The following MTCL3 variants were observed in gnomAD, a reference collection of about 807,000 sequenced individuals.
MTCL3 encodes microtubule cross-linking factor 3.
the MTCL3 span, among the ~76,000 whole-genome samples, chr6:127,485,967 G>T: frequency 0.14 from 20,979 of 152,116 alleles, 2,274 homozygotes; most frequent in East Asian, 0.64. Context: ...AAGATATAGA[G>T]GAATGAGTTT....
chr6:127,505,185 C>T, the MTCL3 span, among the ~76,000 whole-genome samples: 5 of 152,294 alleles, frequency 3.3e-5, no homozygotes, highest in South Asian at 6.2e-4. Context: ...ATTTCTACAG[C>T]GCTAACACAG....
chr6:127,497,228 A>T, the MTCL3 span, among the ~76,000 whole-genome samples: 2 of 152,174 alleles, frequency 1.3e-5, no homozygotes, highest in African/African-American at 4.8e-5. Context: ...AGGTAGCTAA[A>T]ACTTCTGCAC....
At chr6:127,507,916 G>A in the MTCL3 span, among the ~76,000 whole-genome samples, 1 of 146,310 alleles carries the variant, frequency 6.8e-6, no homozygotes, top group Admixed American at 6.7e-5. Context: ...TGGAAGAAAA[G>A]CTTTTCTATG....
chr6:127,483,813 G>A, the MTCL3 span, among the ~76,000 whole-genome samples: 3,671 of 152,184 alleles, frequency 0.024, 169 homozygotes, highest in African/African-American at 0.084. Context: ...ATAATTATCC[G>A]TATGTATGAC....
At chr6:127,481,050 C>T in the MTCL3 span, among the ~76,000 whole-genome samples, 1 of 152,178 alleles carries the variant, frequency 6.6e-6, no homozygotes, top group Non-Finnish European at 1.5e-5. Context: ...CCTGACCTCA[C>T]TGAGAAACTG....
At chr6:127,475,355 G>C in the MTCL3 span, 1 of 1,613,232 alleles carries the variant, frequency 6.2e-7, no homozygotes, top group Non-Finnish European at 8.5e-7. This position sits in a 1 kb window ranked among gnomAD's most constrained non-coding sequence, Gnocchi z 7.3. Context: ...ACCTCGAGGC[G>C]GTCGATGAAG....
the MTCL3 span, among the ~76,000 whole-genome samples, chr6:127,504,051 A>C: frequency 2.0e-5 from 3 of 152,206 alleles, no homozygotes; most frequent in Non-Finnish European, 2.9e-5. Context: ...AGGAGTTTAC[A>C]GTCAGGAAAC....
the MTCL3 span, among the ~76,000 whole-genome samples, chr6:127,509,158 G>A: frequency 6.6e-6 from 1 of 152,326 alleles, no homozygotes; most frequent in East Asian, 1.9e-4. Flanking sequence ...GGATGACAAT[G>A]CTATTAAGAT....
chr6:127,481,613 A>C, the MTCL3 span: 1 of 375,746 alleles, frequency 2.7e-6, no homozygotes, highest in East Asian at 1.7e-4. Flanking sequence ...ACTTTAGTTA[A>C]ATTATCTATC....
chr6:127,493,186 A>G, the MTCL3 span, among the ~76,000 whole-genome samples: 1 of 152,208 alleles, frequency 6.6e-6, no homozygotes, highest in South Asian at 2.1e-4. Context: ...ATAACTTTAA[A>G]TATTCCAAAA....
the MTCL3 span, among the ~76,000 whole-genome samples, chr6:127,490,271 G>A: frequency 2.6e-5 from 4 of 152,092 alleles, no homozygotes; most frequent in Non-Finnish European, 4.4e-5. Flanking sequence ...ATTACTGCTC[G>A]TTGATAATGC....
the MTCL3 span, among the ~76,000 whole-genome samples, chr6:127,500,011 G>A: frequency 6.6e-6 from 1 of 151,998 alleles, no homozygotes; most frequent in Non-Finnish European, 1.5e-5. Flanking sequence ...CATTTCTCGG[G>A]GTGGTGATGG....
At chr6:127,478,631 T>C in the MTCL3 span, among the ~76,000 whole-genome samples, 1 of 152,098 alleles carries the variant, frequency 6.6e-6, no homozygotes, top group East Asian at 1.9e-4. Context: ...AGAGCTCAGG[T>C]CTAGAAGTGA....
the MTCL3 span, among the ~76,000 whole-genome samples, chr6:127,509,574 A>G: frequency 3.9e-5 from 6 of 152,206 alleles, no homozygotes; most frequent in African/African-American, 1.2e-4. Context: ...ACTTTACTCT[A>G]TAACTAGTGT....
chr6:127,495,599 G>C, the MTCL3 span, among the ~76,000 whole-genome samples: 1 of 152,106 alleles, frequency 6.6e-6, no homozygotes, highest in Non-Finnish European at 1.5e-5. Context: ...GGACACTAAG[G>C]GGTGGGCATT....
chr6:127,507,861 A>AG, the MTCL3 span, among the ~76,000 whole-genome samples: 27 of 147,576 alleles, frequency 1.8e-4, no homozygotes, highest in African/African-American at 3.5e-4. Flanking sequence ...AAAAAAAAAA[A>AG]AAAAAAAAAG....
chr6:127,516,547 G>T, the MTCL3 span: 1 of 1,598,846 alleles, frequency 6.3e-7, no homozygotes. Context: ...ACGAGCCTCA[G>T]TGGCTGCAGC....
chr6:127,511,350 G>T, the MTCL3 span, among the ~76,000 whole-genome samples: 1 of 152,062 alleles, frequency 6.6e-6, no homozygotes, highest in African/African-American at 2.4e-5. Context: ...TTCTATAAAT[G>T]AAAGTCAATT....
At chr6:127,478,711 G>A in the MTCL3 span, among the ~76,000 whole-genome samples, 1 of 152,022 alleles carries the variant, frequency 6.6e-6, no homozygotes, top group African/African-American at 2.4e-5. Context: ...CAACCAATGA[G>A]GAGAAGAAAA....
Sources: allele counts gnomAD v4.1 joint callset (sites outside exome capture counted in the v4.1 genomes callset), GRCh38; gene constraint gnomAD v4.1.1; non-coding constraint Gnocchi (gnomAD v3.1); transcripts MANE v1.5; gene names NCBI Gene and HGNC (gene_info 2026-07-23, HGNC 2026-07-21).